The following ZFP14 variants were observed in gnomAD, a reference collection of about 807,000 sequenced individuals.
The protein encoded by ZFP14 is ZFP14 zinc finger protein.
In ZFP14, 22 loss-of-function variants were observed where a neutral mutation model predicts 54.5. The ratio of observed to expected loss-of-function variants is 0.40; its 90% CI spans 0.29 to 0.58. ZFP14 has a LOEUF of 0.58. Ranked by LOEUF, ZFP14 falls within the 20% of genes least tolerant of loss-of-function variation. ZFP14 has a pLI of 0.39. For missense variants in ZFP14, 470 were observed against 637.8 expected (o/e 0.74, Z 2.83); for synonymous variants, 159 against 204.0 (o/e 0.78, Z 1.88).
intron 1 of ZFP14, among the ~76,000 whole-genome samples, chr19:36,376,115 G>A (rs976030229): frequency 1.3e-5 from 2 of 152,040 alleles, no homozygotes; most frequent in Non-Finnish European, 2.9e-5. Flanking sequence ...ATATGAAATG[G>A]TGAGAACTAC....
intron 4 of ZFP14, among the ~76,000 whole-genome samples, chr19:36,344,812 G>A (rs558601825): frequency 3.9e-5 from 6 of 152,236 alleles, no homozygotes; most frequent in Admixed American, 2.0e-4. Context: ...CCAAAACCAC[G>A]TACCATTTTC....
chr19:36,341,928 T>C lies in ZFP14; in HGVS notation c.236-338A>G, dbSNP rs1226540713. On this transcript the variant is annotated intron_variant, in intron 4 of 4. Coordinates refer to ENST00000270001, the MANE Select transcript of ZFP14 (RefSeq NM_020917.3). This position sits in a 1 kb window ranked among gnomAD's most constrained non-coding sequence, Gnocchi z 4.2. ...GTGCAGTAGTGCGATCCCGGCTCAC[T>C]GAAAGCTCCGCCTCCCGGGTTCACG... 3.3e-5 allele frequency among the ~76,000 whole-genome samples: 5 copies of C among 152,012 alleles called. No homozygotes were observed. Among genetic ancestry groups the C allele is most frequent in the Non-Finnish European group, 7.4e-5 (5 of 67,996 alleles).
At chr19:36,357,249 G>A (rs959112336) in intron 4 of ZFP14, among the ~76,000 whole-genome samples, 3 of 152,122 alleles carry the variant, frequency 2.0e-5, no homozygotes, top group Non-Finnish European at 4.4e-5. Flanking sequence ...CGCCATGTTG[G>A]CCAGGCTGGT....
intron 4 of ZFP14, among the ~76,000 whole-genome samples, chr19:36,343,724 C>T (rs1184468158): frequency 2.6e-5 from 4 of 152,174 alleles, no homozygotes; most frequent in Non-Finnish European, 5.9e-5. Context: ...TGAGGGACTG[C>T]ATCTGGTGAG....
At chr19:36,378,964 TC>T (rs1317256325) in intron 1 of ZFP14, 198 bp downstream of exon 1, 1 of 152,278 alleles carries the variant, frequency 6.6e-6, no homozygotes, top group Non-Finnish European at 1.5e-5. Flanking sequence ...ACTCCGGGGT[TC>T]CTGTATCTAA....
rs557547202 is a variant in ZFP14, at chr19:36,353,966, T to G, written c.235+6469A>C. ...GGCATGCGCCTGTAGTCCCAGCTAC[T>G]TGGGAGGCTGAGGTGGGACGATCAC... On this transcript the variant is annotated intron_variant, in intron 4 of 4. Coordinates refer to ENST00000270001, the MANE Select transcript of ZFP14 (RefSeq NM_020917.3). Among the ~76,000 whole-genome samples, 14 of 137,072 alleles carry G rather than the reference T, an allele frequency of 1.0e-4. 1 individual carries two copies. The South Asian group carries it at 2.6e-3, about 25-fold the overall frequency. The allele number at this position is 137,072 out of a possible 152,430, so 89.9% of individuals were successfully genotyped here.
rs1486391111 is a variant in ZFP14 at position 36,335,652 on chromosome 19, G to T, written c.*4572C>A. ...TTAATTGTAAAACATATTCCTTTTGGGGGAAAAATGCAATCCTACATTTTT... is the reference window on the plus strand; with the variant it reads ...TTAATTGTAAAACATATTCCTTTTGTGGGAAAAATGCAATCCTACATTTTT... On this transcript the variant is annotated 3_prime_UTR_variant, in exon 5 of 5. Coordinates refer to ENST00000270001, the MANE Select transcript of ZFP14 (RefSeq NM_020917.3). 1 of 151,736 alleles carries T rather than the reference G, an allele frequency of 6.6e-6. No individual in the cohort carries two copies. The highest frequency in any genetic ancestry group is 1.5e-5 in the Non-Finnish European group (1 of 67,962). 9.4% of individuals were successfully genotyped at this position (151,736 alleles called of 1,614,324 possible). A position where few individuals can be genotyped will look rare whatever the true frequency, so the allele number is the denominator to read the frequency against.
At chr19:36,371,649 C>T (rs989400046) in intron 1 of ZFP14, among the ~76,000 whole-genome samples, 17 of 152,014 alleles carry the variant, frequency 1.1e-4, no homozygotes, top group African/African-American at 3.9e-4. Flanking sequence ...GAAAGATAAA[C>T]AAGTAGAAAG....
Position 36,338,751 on chromosome 19 carries a change from A to G in ZFP14, c.*1473T>C, listed in dbSNP as rs2031252885. 6.6e-6 allele frequency: 1 copy of G among 152,184 alleles called. No individual in the cohort carries two copies. The highest frequency in any genetic ancestry group is 6.6e-5 in the Admixed American group (1 of 15,266). The allele number at this position is 152,184 out of a possible 1,614,324, so 9.4% of individuals were successfully genotyped here. ...GATCACATCAAAAACTCAACTTGAA[A>G]CAACTCCTACTGGTTGAAGATATGG... is the stretch of plus-strand genomic sequence containing the variant. On this transcript the variant is annotated 3_prime_UTR_variant, in exon 5 of 5. Transcript: ENST00000270001.
intron 4 of ZFP14, among the ~76,000 whole-genome samples, chr19:36,348,752 CA>C (rs2031462238): frequency 6.6e-6 from 1 of 152,134 alleles, no homozygotes; most frequent in Non-Finnish European, 1.5e-5. Flanking sequence ...GCCTGTGCTG[CA>C]ACCTTCTGGG....
intron 4 of ZFP14, among the ~76,000 whole-genome samples, chr19:36,357,706 T>G (rs2031638453): frequency 2.6e-5 from 4 of 152,114 alleles, no homozygotes; most frequent in Admixed American, 2.0e-4. Flanking sequence ...CATACTGTCT[T>G]GATCACTGTA....
intron 1 of ZFP14, among the ~76,000 whole-genome samples, chr19:36,368,329 G>T (rs1027272033): frequency 6.6e-6 from 1 of 152,186 alleles, no homozygotes; most frequent in Non-Finnish European, 1.5e-5. Context: ...TTAGCTGGGC[G>T]TGGTGGCACA....
chr19:36,366,393 A>G (rs908488233), intron 2 of ZFP14, among the ~76,000 whole-genome samples: 16 of 152,154 alleles, frequency 1.1e-4, no homozygotes, highest in African/African-American at 3.1e-4. Context: ...ATCTCGGTTC[A>G]CTGTAACCTC....
chr19:36,360,392 C>T (rs1402664795), intron 4 of ZFP14, 43 bp downstream of exon 4: 25 of 1,566,734 alleles, frequency 1.6e-5, no homozygotes, highest in Non-Finnish European at 2.1e-5. Flanking sequence ...TTAGCTATTA[C>T]CTGCAGTAGT....
chr19:36,373,530 T>C (rs976232663), intron 1 of ZFP14, among the ~76,000 whole-genome samples: 25 of 152,076 alleles, frequency 1.6e-4, no homozygotes, highest in African/African-American at 6.0e-4. Flanking sequence ...AGCTAAGACC[T>C]GTAAAGTGTT....
At chr19:36,366,145 G>A (rs1022411450) in intron 2 of ZFP14, among the ~76,000 whole-genome samples, 36 of 151,810 alleles carry the variant, frequency 2.4e-4, no homozygotes, top group Non-Finnish European at 3.4e-4. Context: ...GTGGGCGCCT[G>A]TAACTCCAGG....
At chr19:36,375,955 A>G (rs2031955830) in intron 1 of ZFP14, among the ~76,000 whole-genome samples, 1 of 151,304 alleles carries the variant, frequency 6.6e-6, no homozygotes, top group Non-Finnish European at 1.5e-5. Flanking sequence ...GGCCTCCCAA[A>G]GTGCTGAGAT....
Position 36,372,341 on chromosome 19 carries a change from T to C in ZFP14, c.-79-4370A>G, listed in dbSNP as rs1478103776. ...TTGAAAAAAGAAAAAACCCACAAAA[T>C]TGACAAACCTAACTAAGCTATACTA... On this transcript the variant is annotated intron_variant, in intron 1 of 4. Transcript: ENST00000270001. Among the ~76,000 whole-genome samples, 13 of 149,276 alleles carry C rather than the reference T, an allele frequency of 8.7e-5. No homozygotes were observed. In the East Asian group the frequency reaches 2.0e-3, roughly 23 times the overall value.
chr19:36,366,484 G>C (rs944915995), intron 2 of ZFP14, among the ~76,000 whole-genome samples: 1 of 151,910 alleles, frequency 6.6e-6, no homozygotes, highest in Non-Finnish European at 1.5e-5. Context: ...GCCCAGCTAG[G>C]TTTTGTATTT....
Sources: allele counts gnomAD v4.1 joint callset (sites outside exome capture counted in the v4.1 genomes callset), GRCh38; gene constraint gnomAD v4.1.1; non-coding constraint Gnocchi (gnomAD v3.1); transcripts MANE v1.5; gene names NCBI Gene and HGNC (gene_info 2026-07-23, HGNC 2026-07-21).